Variants in ACAD9 observed in about 807,000 individuals in gnomAD.
ACAD9 encodes complex I assembly factor ACAD9, mitochondrial.
Under a neutral mutation model 70.2 loss-of-function variants are expected in ACAD9, and 53 were observed. The observed-to-expected ratio is 0.75, with a 90% CI of 0.61 to 0.95. The LOEUF (loss-of-function observed/expected upper bound fraction) is 0.95. ACAD9 is among the 40% of genes least tolerant of loss of function. The probability of loss-of-function intolerance (pLI) is 0.00; values close to 1 mark genes in which losing one functional copy is unlikely to be tolerated. For synonymous variants in ACAD9, 313 were observed against 312.1 expected, an observed-to-expected ratio of 1.00 and a Z score of -0.03; for missense variants, 777 against 802.8, an observed-to-expected ratio of 0.97 and a Z score of 0.39.
In ACAD9 at chr3:128,879,741, G is replaced by A. The variant is rs900511320; in HGVS notation, c.50G>A (p.Cys17Tyr). The A allele has an allele frequency of 1.2e-6, 2 of 1,612,880 alleles. No homozygotes were observed. The highest frequency in any genetic ancestry group is 1.7e-5 in the Admixed American group (1 of 60,024). The stretch of plus-strand genomic sequence containing the variant: ...CGCACCACGGCTGCGGCTCGTGCCT[G>A]CCGGGGTCTGGTGGTCTCTACCGCG... The part of the protein sequence containing the change: ...FLRTTAAARA[C>Y]RGLVVSTANR... Residue 17 changes from cysteine to tyrosine, a missense_variant, in exon 1 of 18, where the codon TGC becomes TAC. Physicochemically the swap from Cys to Tyr is radical, Grantham distance 194 (BLOSUM62 -2). Transcript: ENST00000308982.
chr3:128,910,083 C>T lies in ACAD9; in HGVS notation c.1626C>T (p.Gly542=). The part of the protein sequence containing the change: ...RVANILINLY[G]MTAVLSRASR... ...CCAACATCCTCATCAACCTGTATGG[C>T]ATGACGGCCGTGCTGTCGCGGGCCA... Residue 542 remains glycine, a synonymous_variant, in exon 16 of 18, where the codon GGC becomes GGT. Coordinates refer to ENST00000308982, the MANE Select transcript of ACAD9 (RefSeq NM_014049.5). 1 of 1,613,978 alleles carries T rather than the reference C, an allele frequency of 6.2e-7. No individual in the cohort carries two copies. The highest frequency in any genetic ancestry group is 8.5e-7 in the Non-Finnish European group (1 of 1,179,996).
intron 2 of ACAD9, among the ~76,000 whole-genome samples, chr3:128,890,594 C>G (rs971182770): frequency 6.6e-6 from 1 of 151,486 alleles, no homozygotes; most frequent in Admixed American, 6.6e-5. Flanking sequence ...CCCAGCTACT[C>G]GGGAGGCTGA....
chr3:128,879,688 C>A lies in ACAD9; in HGVS notation c.-4C>A. ...GAGGCTGAGGCTGGGGAACATCGGG[C>A]AGCATGAGCGGCTGCGGGCTCTTCC... is the stretch of plus-strand genomic sequence containing the variant. On this transcript the variant is annotated 5_prime_UTR_variant, in exon 1 of 18. Coordinates refer to ENST00000308982, the MANE Select transcript of ACAD9 (RefSeq NM_014049.5). The A allele has an allele frequency of 6.2e-7, 1 of 1,612,284 alleles. No individual in the cohort carries two copies. The highest frequency in any genetic ancestry group is 8.5e-7 in the Non-Finnish European group (1 of 1,179,886).
chr3:128,908,399 A>G, intron 13 of ACAD9, 135 bp downstream of exon 13: 1 of 1,095,098 alleles, frequency 9.1e-7, no homozygotes, highest in Non-Finnish European at 1.4e-6. Context: ...TGTGGAGGGG[A>G]CCTTCCCCTG....
intron 1 of ACAD9, among the ~76,000 whole-genome samples, chr3:128,880,420 GT>G (rs533852772): frequency 6.6e-6 from 1 of 151,848 alleles, no homozygotes; most frequent in Non-Finnish European, 1.5e-5. Context: ...AAACTCAGTT[GT>G]TTTTTTTGAG....
At chr3:128,887,379 G>A (rs1230913443) in intron 2 of ACAD9, among the ~76,000 whole-genome samples, 1 of 152,082 alleles carries the variant, frequency 6.6e-6, no homozygotes. Flanking sequence ...ACTGAGGGGG[G>A]CAGATTGCTT....
intron 9 of ACAD9, among the ~76,000 whole-genome samples, chr3:128,903,593 A>G (rs1935805528): frequency 1.3e-5 from 2 of 152,148 alleles, no homozygotes; most frequent in South Asian, 4.1e-4. Context: ...TGTCACAGCC[A>G]CACGCCTGGA....
chr3:128,909,248 C>T, intron 14 of ACAD9, 96 bp from the exon 15 acceptor site: 1 of 1,599,408 alleles, frequency 6.3e-7, no homozygotes, highest in Non-Finnish European at 8.6e-7. Flanking sequence ...GATTGCTTCC[C>T]CCAGATGGGG....
rs771955184 is a variant in ACAD9, at chr3:128,909,010, A to G, written c.1396A>G (p.Thr466Ala). The change falls in exon 14 of 18, where the codon ACC (threonine) becomes GCC (alanine). Residue 466 changes from threonine to alanine, a missense_variant. Coordinates refer to ENST00000308982, the MANE Select transcript of ACAD9 (RefSeq NM_014049.5). Reference protein sequence around the residue: ...KQAKVSTVMDTVGRRLRDSLG... With the variant: ...KQAKVSTVMDAVGRRLRDSLG... Reference sequence around the variant, plus strand: ...GGCCAAAGTGAGCACAGTCATGGATACCGTTGGCCGGAGGCTTCGGGACTC... The same window carrying G: ...GGCCAAAGTGAGCACAGTCATGGATGCCGTTGGCCGGAGGCTTCGGGACTC... The G allele has an allele frequency of 6.2e-6, 10 of 1,614,026 alleles. No individual in the cohort carries two copies. Among genetic ancestry groups the G allele is most frequent in the East Asian group, 2.2e-5 (1 of 44,888 alleles).
At chr3:128,897,128 C>T (rs997442232) in intron 5 of ACAD9, among the ~76,000 whole-genome samples, 13 of 152,044 alleles carry the variant, frequency 8.6e-5, no homozygotes, top group Admixed American at 5.9e-4. Context: ...CGCTTTTTTA[C>T]GTGATGTATT....
chr3:128,884,010 G>C (rs1194630580), intron 1 of ACAD9, among the ~76,000 whole-genome samples: 1 of 152,202 alleles, frequency 6.6e-6, no homozygotes, highest in East Asian at 1.9e-4. Context: ...GGCAATTGAA[G>C]GGGTAGCAGA....
At chr3:128,904,576 A>G in intron 11 of ACAD9, 71 bp downstream of exon 11, 1 of 1,567,294 alleles carries the variant, frequency 6.4e-7, no homozygotes, top group Non-Finnish European at 8.6e-7. Flanking sequence ...GTGACCTTTC[A>G]AGCCCATGCT....
intron 12 of ACAD9, among the ~76,000 whole-genome samples, chr3:128,907,263 A>C (rs953601124): frequency 6.6e-6 from 1 of 151,954 alleles, no homozygotes; most frequent in East Asian, 1.9e-4. Context: ...TGGCCTACCC[A>C]TTGGGTTCCA....
chr3:128,892,158 T>TA (rs1393924530), intron 2 of ACAD9, among the ~76,000 whole-genome samples: 2 of 152,136 alleles, frequency 1.3e-5, no homozygotes, highest in Non-Finnish European at 2.9e-5. Context: ...CAAAGGGGCA[T>TA]AGAGACTTTT....
chr3:128,901,433 G>A (rs1935736672), intron 8 of ACAD9, 84 bp downstream of exon 8: 25 of 1,420,016 alleles, frequency 1.8e-5, no homozygotes, highest in Middle Eastern at 1.8e-4. Context: ...ATCCCTGCTC[G>A]TAGCAGAGTA....
chr3:128,900,705 C>T (rs917689843), intron 7 of ACAD9, among the ~76,000 whole-genome samples: 1 of 152,204 alleles, frequency 6.6e-6, no homozygotes, highest in South Asian at 2.1e-4. Context: ...GTTGGGTCAG[C>T]TCTTTGTATT....
intron 4 of ACAD9, among the ~76,000 whole-genome samples, chr3:128,895,671 T>C (rs1935550220): frequency 6.6e-6 from 1 of 152,142 alleles, no homozygotes; most frequent in Admixed American, 6.5e-5. Context: ...TGATCCACCC[T>C]TCAAGGCCCA....
chr3:128,895,274 G>A, intron 3 of ACAD9, 36 bp from the exon 4 acceptor site: 1 of 1,531,590 alleles, frequency 6.5e-7, no homozygotes, highest in Non-Finnish European at 9.0e-7. Context: ...GGAATCTAGG[G>A]CTGGGCTGTG....
At position 128,901,358 on chromosome 3, in the gene ACAD9, C is replaced by G; in HGVS notation, c.882+9C>G. On this transcript the variant is annotated intron_variant, in intron 8 of 17. Transcript: ENST00000308982. Reference sequence around the variant, plus strand: ...TCGGAGATGGGTTTAAGGTGAGTTGCCAGCCACAGCCCCTTGTACCAGGTA... The same window carrying G: ...TCGGAGATGGGTTTAAGGTGAGTTGGCAGCCACAGCCCCTTGTACCAGGTA... 6.2e-7 allele frequency: 1 copy of G among 1,614,030 alleles called. No individual in the cohort carries two copies. The highest frequency in any genetic ancestry group is 8.5e-7 in the Non-Finnish European group (1 of 1,179,884).
Sources: allele counts gnomAD v4.1 joint callset (sites outside exome capture counted in the v4.1 genomes callset), GRCh38; gene constraint gnomAD v4.1.1; transcripts MANE v1.5; gene names NCBI Gene and HGNC (gene_info 2026-07-23, HGNC 2026-07-21).